PTPN5: variants seen among roughly 807,000 people sequenced by gnomAD.
PTPN5 encodes the protein protein tyrosine phosphatase non-receptor type 5, also known as tyrosine-protein phosphatase non-receptor type 5.
PTPN5 carries 29 observed loss-of-function variants against 73.9 expected under a neutral mutation model. The ratio of observed to expected loss-of-function variants is 0.39; its 90% confidence interval spans 0.29 to 0.54. The LOEUF (loss-of-function observed/expected upper bound fraction) is 0.54, where lower values mean the gene tolerates loss of function less well. Among genes scored for constraint, PTPN5 ranks in the 20% least tolerant of loss-of-function variants. The pLI is 0.65. For synonymous variants in PTPN5, 267 were observed against 304.7 expected (o/e 0.88, Z 1.29); for missense variants, 652 against 751.4 (o/e 0.87, Z 1.55).
At chr11:18,753,111 A>G (rs747025923) in intron 3 of PTPN5, among the ~76,000 whole-genome samples, 1 of 152,214 alleles carries the variant, frequency 6.6e-6, no homozygotes, top group Non-Finnish European at 1.5e-5. Context: ...TCTTTGAAAC[A>G]TCCTGTTAAA....
rs1848983247 is a variant in PTPN5, at chr11:18,733,465, G to A, written c.1080+91C>T. 6.2e-7 allele frequency: 1 copy of A among 1,611,034 alleles called. No individual in the cohort carries two copies. The highest frequency in any genetic ancestry group is 1.1e-5 in the South Asian group (1 of 90,740). ...AGGCTCTTCACAGGAGCTGGCAGGA[G>A]CCAGACTGGTGTAGGGACAAGGCTG... is the stretch of plus-strand genomic sequence containing the variant. On this transcript the variant is annotated intron_variant, in intron 10 of 14. Transcript: ENST00000358540. The surrounding 1 kb of genome is among the most constrained non-coding windows in gnomAD (Gnocchi z 4.3).
chr11:18,771,918 A>G, intron 2 of PTPN5, 21 bp downstream of exon 2: 3 of 1,594,058 alleles, frequency 1.9e-6, no homozygotes, highest in East Asian at 2.3e-5. Context: ...TTGCAGGGGG[A>G]CGGCGTAAAC....
At chr11:18,774,869 G>A (rs1180200765) in intron 1 of PTPN5, among the ~76,000 whole-genome samples, 1 of 152,238 alleles carries the variant, frequency 6.6e-6, no homozygotes, top group East Asian at 1.9e-4. Context: ...GAAGGGAACA[G>A]GAGGAGGTGA....
chr11:18,781,059 G>C (rs1851396626), intron 1 of PTPN5, among the ~76,000 whole-genome samples: 1 of 152,122 alleles, frequency 6.6e-6, no homozygotes, highest in Non-Finnish European at 1.5e-5. Flanking sequence ...CAACTCCTAG[G>C]CTTGACACAG....
chr11:18,769,104 G>A (rs149082711), intron 2 of PTPN5, among the ~76,000 whole-genome samples: 1 of 152,322 alleles, frequency 6.6e-6, no homozygotes, highest in Non-Finnish European at 1.5e-5. Context: ...AGGATGTCCC[G>A]GAGTGAAAGT....
rs1466884855 is a variant in PTPN5 at position 18,728,821 on chromosome 11, G to A, written c.*113C>T. ...GCCAGGCTGACAGAGGACAGAGGGAGCTGACTGAAGGGGAGGAAGCGGGGA... is the reference window on the plus strand; with the variant it reads ...GCCAGGCTGACAGAGGACAGAGGGAACTGACTGAAGGGGAGGAAGCGGGGA... On this transcript the variant is annotated 3_prime_UTR_variant, in exon 15 of 15. Transcript: ENST00000358540. This position sits in a 1 kb window ranked among gnomAD's most constrained non-coding sequence, Gnocchi z 4.1. 3.2e-6 allele frequency: 3 copies of A among 943,552 alleles called. No individual in the cohort carries two copies. Among genetic ancestry groups the A allele is most frequent in the Non-Finnish European group, 4.8e-6 (3 of 619,060 alleles). 58.4% of individuals were successfully genotyped at this position (943,552 alleles called of 1,614,324 possible). A position where few individuals can be genotyped will look rare whatever the true frequency, so the allele number is the denominator to read the frequency against.
intron 9 of PTPN5, among the ~76,000 whole-genome samples, chr11:18,734,954 T>C (rs1305034345): frequency 6.6e-6 from 1 of 152,206 alleles, no homozygotes; most frequent in African/African-American, 2.4e-5. Flanking sequence ...CAAATCCTGA[T>C]TCTGACTTAC....
intron 9 of PTPN5, among the ~76,000 whole-genome samples, chr11:18,735,590 C>T (rs1055993158): frequency 1.1e-4 from 16 of 151,724 alleles, no homozygotes; most frequent in Non-Finnish European, 1.9e-4. Flanking sequence ...CTGAGGTGGG[C>T]GGATCACTTG....
In PTPN5 at chr11:18,729,009, T is replaced by C. The variant is rs1433344781; in HGVS notation, c.1623A>G (p.Thr541=). 4 of 1,613,870 alleles carry C rather than the reference T, an allele frequency of 2.5e-6. No individual in the cohort carries two copies. The South Asian group carries it at 3.3e-5, about 13-fold the overall frequency. ...GGTGCACAAACTGGTACTGCTCGCA[T>C]GTCTGGATCATGCCGCCCCTGCCCG... is the stretch of plus-strand genomic sequence containing the variant. ...LRQDRGGMIQ[T]CEQYQFVHHV... Residue 541 remains threonine, a synonymous_variant, in exon 15 of 15, where the codon ACA becomes ACG. Coordinates refer to ENST00000358540, the MANE Select transcript of PTPN5 (RefSeq NM_006906.2). The surrounding 1 kb of genome is among the most constrained non-coding windows in gnomAD (Gnocchi z 5.2).
rs1379024214 is a variant in PTPN5, at chr11:18,742,754, G to A, written c.483+238C>T. On this transcript the variant is annotated intron_variant, in intron 6 of 14. Coordinates refer to ENST00000358540, the MANE Select transcript of PTPN5 (RefSeq NM_006906.2). The surrounding 1 kb of genome is among the most constrained non-coding windows in gnomAD (Gnocchi z 4.1). ...CAGGCCTTCTCAGTGGGGCTTGGGAGTTCCTACACCAGTCTTCTCCCTGTC... is the reference window on the plus strand; with the variant it reads ...CAGGCCTTCTCAGTGGGGCTTGGGAATTCCTACACCAGTCTTCTCCCTGTC... Among the ~76,000 whole-genome samples the A allele has an allele frequency of 6.6e-6, 1 of 152,176 alleles. No homozygotes were observed. Among genetic ancestry groups the A allele is most frequent in the East Asian group, 1.9e-4 (1 of 5,190 alleles).
Position 18,765,917 on chromosome 11 carries a change from T to C in PTPN5, c.21-34A>G, listed in dbSNP as rs1489031912. ...GGATGGAAAAGGTAAGAATATGCTG[T>C]TGAGCCAGGATCAAGACAAAAACCC... is the stretch of plus-strand genomic sequence containing the variant. On this transcript the variant is annotated intron_variant, in intron 2 of 14. Transcript: ENST00000358540. 5 of 1,479,326 alleles carry C rather than the reference T, an allele frequency of 3.4e-6. No homozygotes were observed. In the East Asian group the frequency reaches 9.7e-5, roughly 29 times the overall value. 91.6% of individuals were successfully genotyped at this position (1,479,326 alleles called of 1,614,324 possible). A position where few individuals can be genotyped will look rare whatever the true frequency, so the allele number is the denominator to read the frequency against.
Position 18,728,781 on chromosome 11 carries a change from G to A in PTPN5, c.*153C>T. On this transcript the variant is annotated 3_prime_UTR_variant, in exon 15 of 15. Coordinates refer to ENST00000358540, the MANE Select transcript of PTPN5 (RefSeq NM_006906.2). The surrounding 1 kb of genome is among the most constrained non-coding windows in gnomAD (Gnocchi z 4.1). ...ATGTACAGTAGGAAGAGCAATGCTG[G>A]AGGGTAGGGGTCAGGCCAGGCTGAC... 3.1e-6 allele frequency: 2 copies of A among 652,880 alleles called. No individual in the cohort carries two copies. The highest frequency in any genetic ancestry group is 4.0e-5 in the South Asian group (2 of 50,362). The allele number at this position is 652,880 out of a possible 1,614,324, so 40.4% of individuals were successfully genotyped here.
rs534610448 is a variant in PTPN5 at position 18,739,891 on chromosome 11, C to T, written c.915+712G>A. ...AGGGGTGCCCCCATGCGGCAAGGTC[C>T]GAGATGTGCCGGCACCCCTGTGGAG... is the stretch of plus-strand genomic sequence containing the variant. On this transcript the variant is annotated intron_variant, in intron 8 of 14. Coordinates refer to ENST00000358540, the MANE Select transcript of PTPN5 (RefSeq NM_006906.2). Among the ~76,000 whole-genome samples the T allele has an allele frequency of 3.1e-3, 473 of 152,284 alleles. 3 individuals are homozygous for T. The highest frequency in any genetic ancestry group is 0.011 in the African/African-American group (447 of 41,560).
chr11:18,744,568 T>C (rs1423717059), intron 3 of PTPN5, among the ~76,000 whole-genome samples: 7 of 149,726 alleles, frequency 4.7e-5, no homozygotes, highest in African/African-American at 1.2e-4. Context: ...AAAAAAGACA[T>C]GGCATAACCA....
Position 18,728,747 on chromosome 11 carries a change from C to T in PTPN5, c.*187G>A. On this transcript the variant is annotated 3_prime_UTR_variant, in exon 15 of 15. Transcript: ENST00000358540. This position sits in a 1 kb window ranked among gnomAD's most constrained non-coding sequence, Gnocchi z 4.1. Reference sequence around the variant, plus strand: ...TGTCCCTTCCCGACCCTGCCCCCCACTCCCCAATATGTACAGTAGGAAGAG... The same window carrying T: ...TGTCCCTTCCCGACCCTGCCCCCCATTCCCCAATATGTACAGTAGGAAGAG... The T allele has an allele frequency of 3.5e-6, 2 of 565,442 alleles. No homozygotes were observed. Among genetic ancestry groups the T allele is most frequent in the South Asian group, 5.4e-5 (2 of 37,286 alleles). 35.0% of individuals were successfully genotyped at this position (565,442 alleles called of 1,614,324 possible).
intron 2 of PTPN5, among the ~76,000 whole-genome samples, chr11:18,767,291 T>C (rs556830311): frequency 1.3e-5 from 2 of 152,312 alleles, no homozygotes; most frequent in Non-Finnish European, 2.9e-5. Flanking sequence ...CCCTCTGATA[T>C]CTTCTTTTTC....
chr11:18,731,722 C>T (rs1848885874), intron 12 of PTPN5, among the ~76,000 whole-genome samples: 3 of 152,140 alleles, frequency 2.0e-5, no homozygotes, highest in East Asian at 1.9e-4. Flanking sequence ...GAGATGCTCT[C>T]GACACCCTAC....
intron 12 of PTPN5, 187 bp from the exon 13 acceptor site, chr11:18,730,005 T>C: frequency 1.4e-6 from 1 of 719,144 alleles, no homozygotes; most frequent in Non-Finnish European, 2.4e-6. Flanking sequence ...GCCAGCTTGG[T>C]TTTGGGGGTT....
Position 18,742,528 on chromosome 11 carries a change from G to T in PTPN5, c.484-25C>A. The T allele has an allele frequency of 1.2e-6, 2 of 1,609,146 alleles. No individual in the cohort carries two copies. Among genetic ancestry groups the T allele is most frequent in the Non-Finnish European group, 1.7e-6 (2 of 1,178,528 alleles). On this transcript the variant is annotated intron_variant, in intron 6 of 14. Coordinates refer to ENST00000358540, the MANE Select transcript of PTPN5 (RefSeq NM_006906.2). This position sits in a 1 kb window ranked among gnomAD's most constrained non-coding sequence, Gnocchi z 4.1. ...CCTGGTTGGGGTGTACAGCATCACA[G>T]ATTTCGGACCACGCTGGCTGCCCCC...
Sources: gnomAD v4.1 joint callset for allele counts (sites outside exome capture counted in the v4.1 genomes callset) on GRCh38, gnomAD v4.1.1 for gene constraint, Gnocchi (gnomAD v3.1) non-coding constraint, MANE v1.5 for transcripts, NCBI Gene and HGNC (gene_info 2026-07-23, HGNC 2026-07-21) for gene names.